The following GRM8 variants were observed in gnomAD, a reference collection of about 807,000 sequenced individuals.
GRM8 encodes glutamate metabotropic receptor 8.
A neutral mutation model predicts 87.2 loss-of-function variants in GRM8; 47 were observed. The ratio of observed to expected loss-of-function variants is 0.54; its 90% CI spans 0.43 to 0.69. The LOEUF (loss-of-function observed/expected upper bound fraction) is 0.69, where lower values mean the gene tolerates loss of function less well. Among genes scored for constraint, GRM8 ranks in the 30% least tolerant of loss-of-function variants. GRM8 has a pLI of 0.00. For synonymous variants in GRM8, 396 were observed against 404.5 expected, an observed-to-expected ratio of 0.98 and a Z score of 0.25; for missense variants, 1,019 against 1,139.2, an observed-to-expected ratio of 0.89 and a Z score of 1.52.
At chr7:127,159,348 T>A (rs1451331755) in intron 2 of GRM8, among the ~76,000 whole-genome samples, 4 of 152,302 alleles carry the variant, frequency 2.6e-5, no homozygotes. Context: ...GTATGTTGAG[T>A]TTAGCCACCA....
At chr7:127,247,948 A>T (rs920068164) in intron 1 of GRM8, among the ~76,000 whole-genome samples, 1 of 152,224 alleles carries the variant, frequency 6.6e-6, no homozygotes, top group African/African-American at 2.4e-5. Flanking sequence ...CTCATATTTT[A>T]AAAAATCTGA....
intron 6 of GRM8, among the ~76,000 whole-genome samples, chr7:126,788,518 T>C (rs917575683): frequency 2.0e-5 from 3 of 151,986 alleles, no homozygotes; most frequent in African/African-American, 4.8e-5. Context: ...ATCTTCTTTA[T>C]ATTTTCTTTT....
intron 8 of GRM8, among the ~76,000 whole-genome samples, chr7:126,593,848 A>G (rs1796916079): frequency 2.0e-5 from 3 of 152,100 alleles, no homozygotes; most frequent in African/African-American, 7.2e-5. Flanking sequence ...TACATTATAC[A>G]TCTGGCTAAA....
chr7:126,962,310 G>A (rs1345316244), intron 3 of GRM8, among the ~76,000 whole-genome samples: 5 of 152,184 alleles, frequency 3.3e-5, no homozygotes, highest in Non-Finnish European at 7.3e-5. Context: ...ATTCAGACCA[G>A]GTATGTTCAA....
At chr7:126,617,866 C>G (rs945542768) in intron 7 of GRM8, among the ~76,000 whole-genome samples, 3 of 151,990 alleles carry the variant, frequency 2.0e-5, no homozygotes, top group South Asian at 2.1e-4. Context: ...CACTGCTCAA[C>G]AAAATAAAAG....
intron 7 of GRM8, among the ~76,000 whole-genome samples, chr7:126,667,045 T>C (rs1345069796): frequency 6.6e-6 from 1 of 152,142 alleles, no homozygotes; most frequent in East Asian, 1.9e-4. Context: ...TTTGACCTAA[T>C]GGTAATAACA....
chr7:126,864,486 G>C (rs1467956802), intron 6 of GRM8, among the ~76,000 whole-genome samples: 1 of 151,832 alleles, frequency 6.6e-6, no homozygotes, highest in Non-Finnish European at 1.5e-5. Context: ...CTGGTCCATT[G>C]TTTGTCCAAT....
At chr7:126,629,223 C>T (rs543498613) in intron 7 of GRM8, among the ~76,000 whole-genome samples, 41 of 152,276 alleles carry the variant, frequency 2.7e-4, no homozygotes, top group African/African-American at 9.6e-4. Context: ...AGCTTTTCTG[C>T]ACATTTTTAG....
At chr7:126,789,176 C>G (rs1305305132) in intron 6 of GRM8, among the ~76,000 whole-genome samples, 1 of 152,038 alleles carries the variant, frequency 6.6e-6, no homozygotes, top group African/African-American at 2.4e-5. Context: ...TTTGCATTTC[C>G]TGCTTGCCAG....
intron 7 of GRM8, among the ~76,000 whole-genome samples, chr7:126,725,104 A>T (rs187984622): frequency 1.3e-3 from 196 of 152,356 alleles, no homozygotes; most frequent in South Asian, 0.011. Flanking sequence ...ACAAGTTATC[A>T]GCAGACAGGT....
At chr7:126,699,456 A>G (rs1809701791) in intron 7 of GRM8, among the ~76,000 whole-genome samples, 2 of 152,190 alleles carry the variant, frequency 1.3e-5, no homozygotes, top group Admixed American at 1.3e-4. Flanking sequence ...AAAATTCATG[A>G]TATTTCATGA....
At chr7:127,132,452 T>C (rs886129684) in intron 2 of GRM8, among the ~76,000 whole-genome samples, 1 of 152,126 alleles carries the variant, frequency 6.6e-6, no homozygotes, top group African/African-American at 2.4e-5. Context: ...TGAGTATCTG[T>C]CACATGCCAT....
At chr7:126,976,286 A>C (rs1041690364) in intron 3 of GRM8, among the ~76,000 whole-genome samples, 1 of 152,146 alleles carries the variant, frequency 6.6e-6, no homozygotes, top group Non-Finnish European at 1.5e-5. Flanking sequence ...TTATGCTTCC[A>C]ATTGGAGAAT....
chr7:126,496,070 G>T (rs1163066971), intron 9 of GRM8, among the ~76,000 whole-genome samples: 1 of 151,908 alleles, frequency 6.6e-6, no homozygotes, highest in Non-Finnish European at 1.5e-5. Flanking sequence ...TGTTAGGGTG[G>T]GGGTAGTAAA....
In GRM8 at chr7:126,446,379, G is replaced by T; in HGVS notation, c.2431-7C>A. ...TTGTTGTCTGGATGTACATCTGAGG[G>T]AAGAAAAAAAAAAGAATCACTGTTG... On this transcript the variant is annotated splice_polypyrimidine_tract_variant and splice_region_variant and intron_variant, in intron 9 of 10. Coordinates refer to ENST00000339582, the MANE Select transcript of GRM8 (RefSeq NM_000845.3). 1 of 1,551,290 alleles carries T rather than the reference G, an allele frequency of 6.4e-7. No individual in the cohort carries two copies. The highest frequency in any genetic ancestry group is 8.7e-7 in the Non-Finnish European group (1 of 1,145,206).
intron 7 of GRM8, among the ~76,000 whole-genome samples, chr7:126,616,949 A>G (rs988251719): frequency 2.0e-5 from 3 of 152,218 alleles, no homozygotes; most frequent in Non-Finnish European, 4.4e-5. Context: ...CCAGAGGTAC[A>G]ATGAGGAGCT....
chr7:126,897,855 T>C (rs1040987315), intron 6 of GRM8, among the ~76,000 whole-genome samples: 12 of 152,222 alleles, frequency 7.9e-5, no homozygotes, highest in African/African-American at 2.9e-4. Context: ...CCTGAGATTC[T>C]AGAGGGGAAA....
At chr7:126,452,433 TA>T (rs34338362) in intron 9 of GRM8, among the ~76,000 whole-genome samples, 124 of 143,884 alleles carry the variant, frequency 8.6e-4, no homozygotes, top group African/African-American at 9.5e-4. Context: ...TAAAGTATAA[TA>T]AAAAAAAAAA....
At chr7:126,483,741 T>C (rs1807005880) in intron 9 of GRM8, among the ~76,000 whole-genome samples, 1 of 57,332 alleles carries the variant, frequency 1.7e-5, no homozygotes, top group African/African-American at 6.9e-5. Flanking sequence ...CCCTTAGTAT[T>C]TCCCTCCCTC....
Sources: allele counts gnomAD v4.1 joint callset (sites outside exome capture counted in the v4.1 genomes callset), GRCh38; gene constraint gnomAD v4.1.1; transcripts MANE v1.5; gene names NCBI Gene and HGNC (gene_info 2026-07-23, HGNC 2026-07-21).